ROBO1: variants seen among roughly 807,000 people sequenced by gnomAD.
ROBO1 encodes the protein roundabout homolog 1.
A neutral mutation model predicts 195.9 loss-of-function variants in ROBO1; 149 were observed. The observed-to-expected ratio is 0.76, with a 90% CI of 0.67 to 0.87. The LOEUF is 0.87. Ranked by LOEUF, ROBO1 falls within the 40% of genes least tolerant of loss-of-function variation. The pLI, the probability that ROBO1 is intolerant of heterozygous loss-of-function variation, is 0.00. For missense variants in ROBO1, 1,933 were observed against 2,068.3 expected, an observed-to-expected ratio of 0.93 and a Z score of 1.27; for synonymous variants, 816 against 733.2, an observed-to-expected ratio of 1.11 and a Z score of -1.82.
intron 4 of ROBO1, among the ~76,000 whole-genome samples, chr3:78,760,556 T>C (rs988085948): frequency 1.4e-4 from 21 of 152,154 alleles, no homozygotes; most frequent in African/African-American, 5.1e-4. Context: ...GTATAGAACC[T>C]CATCAATAAA....
At chr3:78,710,196 T>A (rs898462359) in intron 8 of ROBO1, among the ~76,000 whole-genome samples, 1 of 152,166 alleles carries the variant, frequency 6.6e-6, no homozygotes, top group African/African-American at 2.4e-5. Context: ...CAGCCCCCCA[T>A]GTCGCTGGGA....
chr3:78,717,725 T>A (rs938473162), intron 6 of ROBO1, 38 bp downstream of exon 6: 1 of 1,601,086 alleles, frequency 6.2e-7, no homozygotes, highest in East Asian at 2.2e-5. Context: ...ATAAGAGATC[T>A]ATTTTTCAAT....
At chr3:78,611,229 A>C (rs553364510) in intron 28 of ROBO1, among the ~76,000 whole-genome samples, 10 of 152,352 alleles carry the variant, frequency 6.6e-5, no homozygotes, top group African/African-American at 2.4e-4. Context: ...CCTTGTAATT[A>C]ATGATAAATC....
At chr3:79,484,330 C>A (rs1939032674) in intron 2 of ROBO1, among the ~76,000 whole-genome samples, 1 of 152,032 alleles carries the variant, frequency 6.6e-6, no homozygotes, top group Non-Finnish European at 1.5e-5. Context: ...GAAGCCAGAA[C>A]CCTGCGGAAA....
At chr3:78,854,520 C>CA (rs2034289642) in intron 4 of ROBO1, among the ~76,000 whole-genome samples, 1 of 151,122 alleles carries the variant, frequency 6.6e-6, no homozygotes, top group Non-Finnish European at 1.5e-5. Context: ...AATATATATG[C>CA]AAAAATATTA....
At chr3:79,593,439 GT>G (rs1265951281) in intron 1 of ROBO1, among the ~76,000 whole-genome samples, 16 of 151,940 alleles carry the variant, frequency 1.1e-4, no homozygotes, top group Non-Finnish European at 2.9e-5. Context: ...AGTGTTCTAG[GT>G]TTTGGCCATT....
intron 3 of ROBO1, among the ~76,000 whole-genome samples, chr3:78,997,238 G>C (rs981973451): frequency 1.3e-5 from 2 of 152,050 alleles, no homozygotes; most frequent in African/African-American, 4.8e-5. Flanking sequence ...TTGGTTTTTG[G>C]GGGGTGTGGA....
chr3:78,873,354 A>G (rs2035656274), intron 4 of ROBO1, among the ~76,000 whole-genome samples: 1 of 152,136 alleles, frequency 6.6e-6, no homozygotes, highest in South Asian at 2.1e-4. Flanking sequence ...CGAAAAGAAA[A>G]TAGATGAGCT....
At chr3:78,912,408 T>A (rs1486283181) in intron 4 of ROBO1, among the ~76,000 whole-genome samples, 1 of 152,254 alleles carries the variant, frequency 6.6e-6, no homozygotes, top group East Asian at 1.9e-4. Flanking sequence ...GATTACCACC[T>A]GTCCTGTTAT....
chr3:79,286,130 A>G (rs573921146), intron 2 of ROBO1, among the ~76,000 whole-genome samples: 1 of 152,314 alleles, frequency 6.6e-6, no homozygotes, highest in African/African-American at 2.4e-5. Context: ...ACACGTCCCA[A>G]AGTAAGTGCT....
chr3:79,393,625 G>C (rs770470709), intron 2 of ROBO1, among the ~76,000 whole-genome samples: 1 of 152,110 alleles, frequency 6.6e-6, no homozygotes, highest in Non-Finnish European at 1.5e-5. Context: ...AAAGAGACAG[G>C]CCCAATGACC....
intron 2 of ROBO1, among the ~76,000 whole-genome samples, chr3:79,195,159 AC>A (rs1448628531): frequency 6.6e-6 from 1 of 151,566 alleles, no homozygotes; most frequent in African/African-American, 2.4e-5. Flanking sequence ...TGGTCATTTG[AC>A]TACTCCAAAG....
intron 3 of ROBO1, among the ~76,000 whole-genome samples, chr3:79,118,863 CAAAA>C (rs532805479): frequency 1.4e-5 from 1 of 69,680 alleles, no homozygotes; most frequent in Non-Finnish European, 3.2e-5. Context: ...GACTCCAACT[CAAAA>C]AAAAAAAAAA....
In ROBO1 at chr3:78,716,383, G is replaced by C. The variant is rs552497583; in HGVS notation, c.917+892C>G. 1.2e-4 allele frequency among the ~76,000 whole-genome samples: 18 copies of C among 152,262 alleles called. No individual in the cohort carries two copies. In the South Asian group the frequency reaches 3.7e-3, roughly 32 times the overall value. ...CACCTCTTCACAGGGCGACAGGAGA[G>C]AGAATGAGTGCCAGCAGGGGAAATG... On this transcript the variant is annotated intron_variant, in intron 7 of 30. Coordinates refer to ENST00000464233, the MANE Select transcript of ROBO1 (RefSeq NM_002941.4).
At chr3:78,655,558 TA>T (rs746911761) in intron 18 of ROBO1, among the ~76,000 whole-genome samples, 175 of 152,350 alleles carry the variant, frequency 1.1e-3, no homozygotes, top group Non-Finnish European at 2.1e-3. Context: ...TGGTAGACGT[TA>T]TTGTCTTATA....
intron 3 of ROBO1, among the ~76,000 whole-genome samples, chr3:79,042,528 A>C (rs927063873): frequency 2.6e-5 from 4 of 151,954 alleles, no homozygotes; most frequent in South Asian, 2.1e-4. Context: ...TTGCTTTGTA[A>C]TTTCCAAAAA....
chr3:78,873,834 T>A (rs2035685751), intron 4 of ROBO1, among the ~76,000 whole-genome samples: 1 of 152,088 alleles, frequency 6.6e-6, no homozygotes, highest in Non-Finnish European at 1.5e-5. Context: ...TACACTTCAA[T>A]TGTCTCACTG....
At chr3:78,803,644 T>C (rs1274463897) in intron 4 of ROBO1, among the ~76,000 whole-genome samples, 2 of 152,048 alleles carry the variant, frequency 1.3e-5, no homozygotes, top group Admixed American at 1.3e-4. Context: ...AAACAACAAA[T>C]TCATGATAAC....
At chr3:79,004,899 A>G (rs545012579) in intron 3 of ROBO1, among the ~76,000 whole-genome samples, 33 of 152,334 alleles carry the variant, frequency 2.2e-4, no homozygotes, top group African/African-American at 7.7e-4. Flanking sequence ...TTGTAAGGAA[A>G]TAAGGAGAAG....
Sources: gnomAD v4.1 joint callset for allele counts (sites outside exome capture counted in the v4.1 genomes callset) on GRCh38, gnomAD v4.1.1 for gene constraint, MANE v1.5 for transcripts, NCBI Gene and HGNC (gene_info 2026-07-23, HGNC 2026-07-21) for gene names.